The following CCDC180 variants were observed in gnomAD, a reference collection of about 807,000 sequenced individuals.
The protein encoded by CCDC180 is coiled-coil domain-containing protein 180.
In CCDC180, 154 loss-of-function variants were observed where a neutral mutation model predicts 209.2. The observed-to-expected ratio is 0.74, with a 90% confidence interval of 0.65 to 0.84. CCDC180 has a LOEUF of 0.84. Ranked by LOEUF, CCDC180 falls within the 40% of genes least tolerant of loss-of-function variation. The probability of loss-of-function intolerance (pLI) is 0.00; values close to 1 mark genes in which losing one functional copy is unlikely to be tolerated. For missense variants in CCDC180, 1,874 were observed against 1,997.3 expected, an observed-to-expected ratio of 0.94 and a Z score of 1.18; for synonymous variants, 778 against 749.1, an observed-to-expected ratio of 1.04 and a Z score of -0.63.
At chr9:97,361,332 T>C (rs1042405482) in intron 26 of CCDC180, among the ~76,000 whole-genome samples, 7 of 152,242 alleles carry the variant, frequency 4.6e-5, no homozygotes, top group Non-Finnish European at 8.8e-5. Context: ...ATACTGGAAC[T>C]TTTCTTTCAC....
chr9:97,367,009 A>ATGTAG (rs1192201905), intron 31 of CCDC180, among the ~76,000 whole-genome samples: 2 of 152,214 alleles, frequency 1.3e-5, no homozygotes, highest in Non-Finnish European at 2.9e-5. Context: ...AAATTTACAC[A>ATGTAG]TGTAGTGTAC....
chr9:97,318,345 T>A (rs1049124003), intron 9 of CCDC180, 118 bp from the exon 10 acceptor site: 9 of 1,076,950 alleles, frequency 8.4e-6, no homozygotes, highest in Non-Finnish European at 1.1e-5. Context: ...GGGCTGGGGG[T>A]GGTGTTAGGG....
At position 97,322,859 on chromosome 9, in the gene CCDC180, C is replaced by T. The variant is rs367967921; in HGVS notation, c.1186C>T (p.Arg396Trp). Reference sequence around the variant, plus strand: ...CACCTACCACGTGGACTGCATGATGCGGATCCGCCTGCTGTATGAGAAGAC... The same window carrying T: ...CACCTACCACGTGGACTGCATGATGTGGATCCGCCTGCTGTATGAGAAGAC... ...LDTYHVDCMM[R>W]IRLLYEKTWQ... is the part of the protein sequence containing the mutation. The change falls in exon 12 of 37, where the codon CGG becomes TGG. Residue 396 changes from arginine (R) to tryptophan (W), a missense_variant. Physicochemically the swap from Arg to Trp is moderately radical, Grantham distance 101. Coordinates refer to ENST00000529487, the MANE Select transcript of CCDC180 (RefSeq NM_020893.6). 2.9e-5 allele frequency: 47 copies of T among 1,613,862 alleles called. No individual in the cohort carries two copies. Among genetic ancestry groups the T allele is most frequent in the African/African-American group, 2.4e-4 (18 of 74,902 alleles).
At chr9:97,333,632 A>G (rs1247897726) in intron 18 of CCDC180, among the ~76,000 whole-genome samples, 3 of 147,506 alleles carry the variant, frequency 2.0e-5, no homozygotes, top group Non-Finnish European at 3.0e-5. Flanking sequence ...ATATGTGTTC[A>G]TGAATTTATC....
chr9:97,357,118 G>C (rs559672869), intron 24 of CCDC180, among the ~76,000 whole-genome samples: 1 of 152,370 alleles, frequency 6.6e-6, no homozygotes, highest in East Asian at 1.9e-4. Context: ...GCACTTGCCA[G>C]GACAGTCTGA....
intron 20 of CCDC180, 60 bp downstream of exon 20, chr9:97,347,549 C>T: frequency 1.4e-6 from 2 of 1,466,842 alleles, no homozygotes; most frequent in Non-Finnish European, 1.8e-6. Flanking sequence ...GCGTCTGCTC[C>T]ACCGCGGCTC....
Position 97,347,541 on chromosome 9 carries a change from G to T in CCDC180, c.2674+52G>T, listed in dbSNP as rs771019737. ...CCCTGCCCGCAGCCACTCCTTCAGC[G>T]TCTGCTCCACCGCGGCTCCATGTTC... is the stretch of plus-strand genomic sequence containing the variant. On this transcript the variant is annotated intron_variant, in intron 20 of 36. Coordinates refer to ENST00000529487, the MANE Select transcript of CCDC180 (RefSeq NM_020893.6). 2.1e-5 allele frequency: 31 copies of T among 1,503,794 alleles called. No individual in the cohort carries two copies. The Middle Eastern group carries it at 3.2e-3, about 156-fold the overall frequency. 93.2% of individuals were successfully genotyped at this position (1,503,794 alleles called of 1,614,324 possible).
intron 24 of CCDC180, among the ~76,000 whole-genome samples, chr9:97,356,766 TAAAC>T (rs1826597461): frequency 1.3e-5 from 2 of 152,250 alleles, no homozygotes; most frequent in South Asian, 2.1e-4. Context: ...ACACCTGTGA[TAAAC>T]AAAATACATT....
intron 20 of CCDC180, 31 bp downstream of exon 20, chr9:97,347,520 GCCC>G: frequency 6.5e-7 from 1 of 1,527,358 alleles, no homozygotes; most frequent in Non-Finnish European, 8.8e-7. Flanking sequence ...TGTCTGCCCT[GCCC>G]GCAGCCACTC....
At chr9:97,316,054 AG>A (rs1219664758) in intron 8 of CCDC180, among the ~76,000 whole-genome samples, 2 of 152,196 alleles carry the variant, frequency 1.3e-5, no homozygotes, top group Non-Finnish European at 2.9e-5. Flanking sequence ...ATAATAAAAG[AG>A]GGTCCAGCTG....
At chr9:97,372,525 G>A (rs553340972) in intron 34 of CCDC180, 2 of 152,304 alleles carry the variant, frequency 1.3e-5, no homozygotes, top group East Asian at 3.9e-4. Context: ...AGCACTGTTT[G>A]AAATGGCAAA....
At chr9:97,351,472 A>G (rs1275617803) in intron 22 of CCDC180, among the ~76,000 whole-genome samples, 1 of 152,140 alleles carries the variant, frequency 6.6e-6, no homozygotes, top group African/African-American at 2.4e-5. Flanking sequence ...TACCCCTGCA[A>G]TCTTAATCCT....
chr9:97,365,822 G>GA, intron 30 of CCDC180, 83 bp downstream of exon 30: 1 of 1,210,750 alleles, frequency 8.3e-7, no homozygotes. Flanking sequence ...CCGCTTGGGG[G>GA]AAAATGAGGA....
In CCDC180 at chr9:97,366,450, A is replaced by G; in HGVS notation, c.4048-109A>G. On this transcript the variant is annotated intron_variant, in intron 30 of 36. Coordinates refer to ENST00000529487, the MANE Select transcript of CCDC180 (RefSeq NM_020893.6). The surrounding 1 kb of genome is among the most constrained non-coding windows in gnomAD (Gnocchi z 4.3). ...TCGTGTCACTTCCACAGGGGATGCCACGAGCAAAGGCTAGGGAGTGTGGAG... is the reference window on the plus strand; with the variant it reads ...TCGTGTCACTTCCACAGGGGATGCCGCGAGCAAAGGCTAGGGAGTGTGGAG... 1 of 1,164,204 alleles carries G rather than the reference A, an allele frequency of 8.6e-7. No individual in the cohort carries two copies. Among genetic ancestry groups the G allele is most frequent in the Non-Finnish European group, 1.2e-6 (1 of 823,322 alleles). The allele number at this position is 1,164,204 out of a possible 1,614,324, so 72.1% of individuals were successfully genotyped here.
intron 12 of CCDC180, among the ~76,000 whole-genome samples, 196 bp from the exon 13 acceptor site, chr9:97,323,585 G>A (rs932735627): frequency 6.6e-6 from 1 of 152,156 alleles, no homozygotes; most frequent in East Asian, 1.9e-4. Flanking sequence ...GGAGCCTCCC[G>A]AGAGCTCCTG....
In CCDC180 at chr9:97,342,991, C is replaced by T. The variant is rs578021267; in HGVS notation, c.2275-349C>T. Among the ~76,000 whole-genome samples the T allele has an allele frequency of 3.3e-5, 5 of 152,212 alleles. No individual in the cohort carries two copies. The East Asian group carries it at 9.6e-4, about 29-fold the overall frequency. ...AGCAGGAATCCCAAACTCAAATGCC[C>T]ACAGGTATGTAATAGAAAAGAGGGC... is the stretch of plus-strand genomic sequence containing the variant. On this transcript the variant is annotated intron_variant, in intron 18 of 36. Transcript: ENST00000529487.
intron 18 of CCDC180, 76 bp from the exon 19 acceptor site, chr9:97,343,264 A>G: frequency 1.0e-6 from 1 of 1,000,828 alleles, no homozygotes; most frequent in Non-Finnish European, 1.5e-6. Context: ...AACCTCTGAT[A>G]TCAAGGAACC....
At chr9:97,313,738 T>C (rs1316436126) in intron 5 of CCDC180, among the ~76,000 whole-genome samples, 1 of 152,236 alleles carries the variant, frequency 6.6e-6, no homozygotes, top group Non-Finnish European at 1.5e-5. Context: ...AGCCCAGCTC[T>C]GCTGGGCTCT....
chr9:97,368,539 G>C (rs1276857834), intron 31 of CCDC180, among the ~76,000 whole-genome samples: 5 of 151,964 alleles, frequency 3.3e-5, no homozygotes, highest in Non-Finnish European at 7.4e-5. Flanking sequence ...CATGGTACTG[G>C]GTGAAGAAAA....
Sources: gnomAD v4.1 joint callset for allele counts (sites outside exome capture counted in the v4.1 genomes callset) on GRCh38, gnomAD v4.1.1 for gene constraint, Gnocchi (gnomAD v3.1) non-coding constraint, MANE v1.5 for transcripts, NCBI Gene and HGNC (gene_info 2026-07-23, HGNC 2026-07-21) for gene names.